Variants in RXRA observed in about 807,000 individuals in gnomAD.
RXRA encodes the protein retinoid X receptor alpha, also known as retinoic acid receptor RXR-alpha.
A neutral mutation model predicts 44.5 loss-of-function variants in RXRA; 5 were observed. That is an observed-to-expected ratio of 0.11 (90% confidence interval 0.06 to 0.24). The LOEUF (loss-of-function observed/expected upper bound fraction) is 0.24. RXRA is among the 10% of genes least tolerant of loss of function. The probability of loss-of-function intolerance (pLI) is 1.00; values close to 1 mark genes in which losing one functional copy is unlikely to be tolerated. For synonymous variants in RXRA, 291 were observed against 271.4 expected (o/e 1.07, Z -0.71); for missense variants, 412 against 646.5 (o/e 0.64, Z 3.93).
At chr9:134,326,700 C>T (rs1419017470) in intron 1 of RXRA, 41 bp downstream of exon 1, 2 of 488,730 alleles carry the variant, frequency 4.1e-6, no homozygotes, top group Non-Finnish European at 5.2e-6. Context: ...GGCCGGGGGC[C>T]GGGGGCCGGC....
chr9:134,412,678 A>T (rs1831168706), intron 4 of RXRA, among the ~76,000 whole-genome samples: 1 of 151,148 alleles, frequency 6.6e-6, no homozygotes, highest in African/African-American at 2.4e-5. Flanking sequence ...TGCCAAGCTG[A>T]GCCTGGGCCT....
At chr9:134,435,964 C>T (rs1193848069) in intron 9 of RXRA, among the ~76,000 whole-genome samples, 2 of 152,218 alleles carry the variant, frequency 1.3e-5, no homozygotes, top group African/African-American at 4.8e-5. Flanking sequence ...CTCCTGGGCT[C>T]AAGCGGTCCT....
Position 134,429,098 on chromosome 9 carries a change from T to C in RXRA, c.911-10T>C. The C allele has an allele frequency of 1.2e-6, 2 of 1,612,698 alleles. No homozygotes were observed. The highest frequency in any genetic ancestry group is 2.2e-5 in the South Asian group (2 of 91,076). On this transcript the variant is annotated splice_polypyrimidine_tract_variant and intron_variant, in intron 6 of 9. Transcript: ENST00000481739. ...GGAGACAGCTGAGTGACTGTGTGCCTCCTCCCCAGGCTGGAATGAGCTGCT... is the reference window on the plus strand; with the variant it reads ...GGAGACAGCTGAGTGACTGTGTGCCCCCTCCCCAGGCTGGAATGAGCTGCT...
At chr9:134,359,214 T>C (rs542860617) in intron 1 of RXRA, among the ~76,000 whole-genome samples, 1 of 152,184 alleles carries the variant, frequency 6.6e-6, no homozygotes, top group East Asian at 1.9e-4. Context: ...CTCACTCCAC[T>C]GAATAGCTGG....
intron 8 of RXRA, among the ~76,000 whole-genome samples, chr9:134,432,649 C>T (rs955578762): frequency 6.6e-6 from 1 of 152,266 alleles, no homozygotes; most frequent in African/African-American, 2.4e-5. Context: ...TGGGAGGGCC[C>T]CTTCAAGCTG....
At chr9:134,390,173 C>T (rs947306889) in intron 1 of RXRA, among the ~76,000 whole-genome samples, 6 of 152,132 alleles carry the variant, frequency 3.9e-5, no homozygotes, top group South Asian at 2.1e-4. Flanking sequence ...GGGTGGAGTC[C>T]GCTCCCCAAT....
intron 5 of RXRA, among the ~76,000 whole-genome samples, chr9:134,418,547 C>T (rs1358349958): frequency 6.6e-6 from 1 of 152,208 alleles, no homozygotes; most frequent in African/African-American, 2.4e-5. Flanking sequence ...TCCCCACCCC[C>T]CAGGGCCTTC....
chr9:134,374,293 G>A (rs553228752), intron 1 of RXRA, among the ~76,000 whole-genome samples: 2 of 152,360 alleles, frequency 1.3e-5, no homozygotes, highest in East Asian at 3.9e-4. Flanking sequence ...CCTGGGTGGT[G>A]GTTGGCACTC....
intron 1 of RXRA, among the ~76,000 whole-genome samples, chr9:134,346,745 T>A (rs11185655): frequency 0.35 from 52,505 of 152,156 alleles, 9,569 homozygotes; most frequent in African/African-American, 0.46. Flanking sequence ...CGCACTTGTG[T>A]GCTGCTGGAG....
chr9:134,385,732 C>G (rs1273014363), intron 1 of RXRA, among the ~76,000 whole-genome samples: 1 of 152,250 alleles, frequency 6.6e-6, no homozygotes, highest in African/African-American at 2.4e-5. Flanking sequence ...GGTTTTCCAG[C>G]ACTCCTGCAT....
chr9:134,415,518 T>C (rs960938553), intron 4 of RXRA, among the ~76,000 whole-genome samples: 3 of 151,992 alleles, frequency 2.0e-5, no homozygotes, highest in African/African-American at 7.3e-5. Context: ...CTGGTGCCTG[T>C]GAGTACCCCA....
At position 134,433,597 on chromosome 9, in the gene RXRA, A is replaced by G. The variant is rs1183526144; in HGVS notation, c.1136-505A>G. ...GGCTGCAATCTTAGCCTCTCTGTCC[A>G]CTCTAGGCTCTTGAGCCCGGGTCCT... is the stretch of plus-strand genomic sequence containing the variant. On this transcript the variant is annotated intron_variant, in intron 8 of 9. Coordinates refer to ENST00000481739, the MANE Select transcript of RXRA (RefSeq NM_002957.6). The surrounding 1 kb of genome is among the most constrained non-coding windows in gnomAD (Gnocchi z 4.2). Among the ~76,000 whole-genome samples the G allele has an allele frequency of 6.8e-6, 1 of 147,504 alleles. No individual in the cohort carries two copies. Among genetic ancestry groups the G allele is most frequent in the Non-Finnish European group, 1.5e-5 (1 of 67,790 alleles).
At chr9:134,424,396 C>T in intron 6 of RXRA, 1 of 985,452 alleles carries the variant, frequency 1.0e-6, no homozygotes, top group Non-Finnish European at 1.2e-6. Flanking sequence ...GACTCCCAGC[C>T]TGACCTCCCC....
chr9:134,401,723 C>T lies in RXRA; in HGVS notation c.120C>T (p.Gly40=). Residue 40 remains glycine, a synonymous_variant, in exon 2 of 10, where the codon GGC becomes GGT. Transcript: ENST00000481739. ...CGCTGCACCCGTCCCTGGGGCCTGG[C>T]ATCGGCTCCCCGGGACAGCTGCATT... ...APSLHPSLGP[G]IGSPGQLHSP... 1 of 1,613,192 alleles carries T rather than the reference C, an allele frequency of 6.2e-7. No homozygotes were observed. Among genetic ancestry groups the T allele is most frequent in the Non-Finnish European group, 8.5e-7 (1 of 1,179,992 alleles).
chr9:134,333,491 G>A (rs1272010801), intron 1 of RXRA, among the ~76,000 whole-genome samples: 1 of 152,144 alleles, frequency 6.6e-6, no homozygotes, highest in African/African-American at 2.4e-5. Context: ...CGTGCGTGCG[G>A]GGTCTGGAGC....
At chr9:134,425,005 G>C in intron 6 of RXRA, 1 of 985,448 alleles carries the variant, frequency 1.0e-6, no homozygotes, top group African/African-American at 1.7e-5. Flanking sequence ...TCCGCTGGGC[G>C]ACAGCAACGA....
chr9:134,357,025 G>A (rs1221960433), intron 1 of RXRA, among the ~76,000 whole-genome samples: 1 of 152,230 alleles, frequency 6.6e-6, no homozygotes, highest in Non-Finnish European at 1.5e-5. Flanking sequence ...CCGGGGAGGC[G>A]TGAAGGCATA....
chr9:134,333,533 G>T (rs1835040787), intron 1 of RXRA, among the ~76,000 whole-genome samples: 1 of 152,116 alleles, frequency 6.6e-6, no homozygotes, highest in South Asian at 2.1e-4. Context: ...AGAGTGAGTT[G>T]GGCCTGGGCC....
chr9:134,421,686 C>A lies in RXRA; in HGVS notation c.791C>A (p.Pro264His). The A allele has an allele frequency of 6.4e-7, 1 of 1,567,440 alleles. No homozygotes were observed. The highest frequency in any genetic ancestry group is 1.2e-5 in the South Asian group (1 of 83,864). ...MGLNPSSPND[P>H]VTNICQAADK... ...CTTCCTCCACTGCAGCCGAACGACC[C>A]TGTCACCAACATTTGCCAAGCAGCC... is the stretch of plus-strand genomic sequence containing the variant. The change falls in exon 6 of 10, where the codon CCT becomes CAT. Residue 264 changes from proline to histidine, a missense_variant. By Grantham distance (77) the Pro-to-His change is moderately conservative (BLOSUM62 -2). Transcript: ENST00000481739.
Sources: gnomAD v4.1 joint callset for allele counts (sites outside exome capture counted in the v4.1 genomes callset) on GRCh38, gnomAD v4.1.1 for gene constraint, Gnocchi (gnomAD v3.1) non-coding constraint, MANE v1.5 for transcripts, NCBI Gene and HGNC (gene_info 2026-07-23, HGNC 2026-07-21) for gene names.